Variants in ZBTB32 observed in about 807,000 individuals in gnomAD.
ZBTB32 encodes zinc finger and BTB domain containing 32.
Under a neutral mutation model 45.3 loss-of-function variants are expected in ZBTB32, and 28 were observed. That is an observed-to-expected ratio of 0.62 (90% CI 0.46 to 0.85). ZBTB32 has a LOEUF of 0.85. Among genes scored for constraint, ZBTB32 ranks in the 40% least tolerant of loss-of-function variants. The pLI is 0.00. For synonymous variants in ZBTB32, 283 were observed against 255.7 expected (o/e 1.11, Z -1.02); for missense variants, 587 against 624.4 (o/e 0.94, Z 0.64).
intron 2 of ZBTB32, 37 bp from the exon 3 acceptor site, chr19:35,714,486 G>C: frequency 1.1e-6 from 1 of 928,506 alleles, no homozygotes; most frequent in Middle Eastern, 2.4e-4. Flanking sequence ...TCTGATCTAG[G>C]ACCAGCAACT....
In ZBTB32 at chr19:35,716,170, A is replaced by G. The variant is rs747199049; in HGVS notation, c.1062A>G (p.Ala354=). The G allele has an allele frequency of 6.2e-7, 1 of 1,613,786 alleles. No homozygotes were observed. Among genetic ancestry groups the G allele is most frequent in the Non-Finnish European group, 8.5e-7 (1 of 1,179,938 alleles). Residue 354 remains alanine, a synonymous_variant, in exon 6 of 7, where the codon GCA becomes GCG. Transcript: ENST00000392197. ...CCTGTGCGGGTCATGAGGACAAGGCAGGCTGCCCACCTCGCCCGCACCCTC... is the reference window on the plus strand; with the variant it reads ...CCTGTGCGGGTCATGAGGACAAGGCGGGCTGCCCACCTCGCCCGCACCCTC... The part of the protein sequence containing the change: ...LATCAGHEDK[A]GCPPRPHPPP...
intron 1 of ZBTB32, among the ~76,000 whole-genome samples, chr19:35,708,501 C>T (rs1347515741): frequency 1.3e-5 from 2 of 152,184 alleles, no homozygotes; most frequent in African/African-American, 4.8e-5. Flanking sequence ...GAAACAGCCC[C>T]TGTGAGGAAA....
At chr19:35,706,047 G>C (rs370031323) in intron 1 of ZBTB32, among the ~76,000 whole-genome samples, 5 of 151,924 alleles carry the variant, frequency 3.3e-5, no homozygotes, top group African/African-American at 1.2e-4. Context: ...TGACCAACAT[G>C]GAGAAACCCC....
chr19:35,711,783 G>C (rs1024168662), intron 1 of ZBTB32, among the ~76,000 whole-genome samples: 1 of 151,968 alleles, frequency 6.6e-6, no homozygotes, highest in Non-Finnish European at 1.5e-5. Context: ...CCAGCACTTT[G>C]GGAGGCCGAG....
chr19:35,707,127 C>T (rs1487725695), intron 1 of ZBTB32, among the ~76,000 whole-genome samples: 1 of 144,378 alleles, frequency 6.9e-6, no homozygotes, highest in Non-Finnish European at 1.5e-5. Context: ...CCCAGGATGT[C>T]AAGACTGCAG....
intron 1 of ZBTB32, among the ~76,000 whole-genome samples, chr19:35,706,228 CAAA>C (rs11331490): frequency 3.8e-5 from 5 of 130,700 alleles, no homozygotes; most frequent in Non-Finnish European, 5.0e-5. Flanking sequence ...AACTCCATCT[CAAA>C]AAAAAAAAAA....
chr19:35,716,960 G>C lies in ZBTB32; in HGVS notation c.*208G>C. The C allele has an allele frequency of 1.7e-6, 1 of 603,274 alleles. No individual in the cohort carries two copies. The highest frequency in any genetic ancestry group is 2.9e-6 in the Non-Finnish European group (1 of 341,926). 37.4% of individuals were successfully genotyped at this position (603,274 alleles called of 1,614,324 possible). A position where few individuals can be genotyped will look rare whatever the true frequency, so the allele number is the denominator to read the frequency against. ...CCCTACAGAGTGAGGACACTGAAGTGTGCAGGAGCGAAGGTTAACAGTAGG... is the reference window on the plus strand; with the variant it reads ...CCCTACAGAGTGAGGACACTGAAGTCTGCAGGAGCGAAGGTTAACAGTAGG... On this transcript the variant is annotated 3_prime_UTR_variant, in exon 7 of 7. Transcript: ENST00000392197.
chr19:35,714,590 T>G lies in ZBTB32; in HGVS notation c.-37T>G. 1 of 1,495,244 alleles carries G rather than the reference T, an allele frequency of 6.7e-7. No individual in the cohort carries two copies. 92.6% of individuals were successfully genotyped at this position (1,495,244 alleles called of 1,614,324 possible). Reference sequence around the variant, plus strand: ...TGGACCTCACACTGTGGACTTCCTCTTAGAGCCTCTGAGTTAGGTACCCAA... The same window carrying G: ...TGGACCTCACACTGTGGACTTCCTCGTAGAGCCTCTGAGTTAGGTACCCAA... On this transcript the variant is annotated 5_prime_UTR_variant, in exon 3 of 7. Transcript: ENST00000392197.
In ZBTB32 at chr19:35,715,103, G is replaced by T. The variant is rs374453216; in HGVS notation, c.477G>T (p.Gly159=). 1 of 1,613,982 alleles carries T rather than the reference G, an allele frequency of 6.2e-7. No individual in the cohort carries two copies. Among genetic ancestry groups the T allele is most frequent in the Non-Finnish European group, 8.5e-7 (1 of 1,180,034 alleles). ...CAGAACAGGTTTCTAGAACTGGTGGGAGAGAACAGGAGATGTTGCACAAGC... is the reference window on the plus strand; with the variant it reads ...CAGAACAGGTTTCTAGAACTGGTGGTAGAGAACAGGAGATGTTGCACAAGC... ...QKPEQVSRTG[G]REQEMLHKHS... is the part of the protein sequence containing the mutation. Residue 159 remains glycine, a synonymous_variant, in exon 3 of 7, where the codon GGG becomes GGT. Transcript: ENST00000392197.
At chr19:35,707,397 T>C (rs1968573189) in intron 1 of ZBTB32, among the ~76,000 whole-genome samples, 1 of 136,044 alleles carries the variant, frequency 7.4e-6, no homozygotes, top group South Asian at 2.4e-4. Context: ...CGAGATGGAG[T>C]CTTAGCTCTG....
chr19:35,714,759 C>T lies in ZBTB32; in HGVS notation c.133C>T (p.Leu45=). 6.2e-7 allele frequency: 1 copy of T among 1,614,182 alleles called. No homozygotes were observed. Among genetic ancestry groups the T allele is most frequent in the Non-Finnish European group, 8.5e-7 (1 of 1,180,034 alleles). The change falls in exon 3 of 7, where the codon CTG becomes TTG. Residue 45 remains leucine (L), a synonymous_variant. Coordinates refer to ENST00000392197, the MANE Select transcript of ZBTB32 (RefSeq NM_014383.3). ...GAGCCAGGAGTTCCCCGCCCACAGC[C>T]TGGTGCTAGCAGGTGTCAGCCAGCA... ...VGSQEFPAHS[L]VLAGVSQQLG... is the part of the protein sequence containing the mutation.
At position 35,716,627 on chromosome 19, in the gene ZBTB32, A is replaced by G. The variant is rs762799611; in HGVS notation, c.1339A>G (p.Met447Val). ...CPSLASMQAH[M>V]RGHSPSQLPP... ...CAGCCTGGCCTCCATGCAGGCGCAC[A>G]TGCGCGGTCACTCGCCCAGCCAACT... Residue 447 changes from methionine to valine, a missense_variant, in exon 7 of 7, where the codon ATG becomes GTG. By Grantham distance (21) the Met-to-Val change is conservative. Coordinates refer to ENST00000392197, the MANE Select transcript of ZBTB32 (RefSeq NM_014383.3). 8.1e-6 allele frequency: 13 copies of G among 1,613,650 alleles called. No homozygotes were observed. The highest frequency in any genetic ancestry group is 9.3e-6 in the Non-Finnish European group (11 of 1,179,946).
In ZBTB32 at chr19:35,714,316, C is replaced by T. The variant is rs1477732414; in HGVS notation, c.-104-207C>T. 1.2e-5 allele frequency: 3 copies of T among 253,922 alleles called. No individual in the cohort carries two copies. The East Asian group carries it at 2.1e-4, about 18-fold the overall frequency. The allele number at this position is 253,922 out of a possible 1,614,324, so 15.7% of individuals were successfully genotyped here. On this transcript the variant is annotated intron_variant, in intron 2 of 6. Coordinates refer to ENST00000392197, the MANE Select transcript of ZBTB32 (RefSeq NM_014383.3). ...AGACTTCCCGCACGCCTGTCTTAAA[C>T]CCACTACTAGATATTTCTGTTAACT...
rs35096787 is a variant in ZBTB32 at position 35,709,878 on chromosome 19, C to CAA, written c.-221-3027_-221-3026dup. Among the ~76,000 whole-genome samples the CAA allele has an allele frequency of 4.6e-3, 633 of 137,840 alleles. 2 individuals carry two copies. Among genetic ancestry groups the CAA allele is most frequent in the African/African-American group, 0.014 (520 of 37,036 alleles). 90.4% of individuals were successfully genotyped at this position (137,840 alleles called of 152,430 possible). A position where few individuals can be genotyped will look rare whatever the true frequency, so the allele number is the denominator to read the frequency against. On this transcript the variant is annotated intron_variant, in intron 1 of 6. Coordinates refer to ENST00000392197, the MANE Select transcript of ZBTB32 (RefSeq NM_014383.3). The stretch of plus-strand genomic sequence containing the variant: ...TGGGCAATAGAGCAAGACTCTGTCT[C>CAA]AAAAAAAAAAAAATCAGATTTCAAA...
chr19:35,707,510 C>T (rs1395542148), intron 1 of ZBTB32, among the ~76,000 whole-genome samples: 5 of 151,696 alleles, frequency 3.3e-5, no homozygotes, highest in Non-Finnish European at 5.9e-5. Flanking sequence ...GCTGGGATTA[C>T]AGGCACGTGC....
intron 1 of ZBTB32, 99 bp downstream of exon 1, chr19:35,704,722 G>A (rs917082474): frequency 6.6e-6 from 1 of 152,342 alleles, no homozygotes; most frequent in Non-Finnish European, 1.5e-5. Flanking sequence ...TTGATGATTG[G>A]GAAGTGCGGG....
In ZBTB32 at chr19:35,715,099, G is replaced by C. The variant is rs767981847; in HGVS notation, c.473G>C (p.Gly158Ala). 5.0e-6 allele frequency: 8 copies of C among 1,613,940 alleles called. No individual in the cohort carries two copies. The Admixed American group carries it at 1.0e-4, about 20-fold the overall frequency. ...KQKPEQVSRT[G>A]GREQEMLHKH... ...AAACCAGAACAGGTTTCTAGAACTG[G>C]TGGGAGAGAACAGGAGATGTTGCAC... The change falls in exon 3 of 7, where the codon GGT (glycine) becomes GCT (alanine). Residue 158 changes from glycine (G) to alanine (A), a missense_variant. Gly to Ala is a moderately conservative substitution (Grantham distance 60, BLOSUM62 0). Coordinates refer to ENST00000392197, the MANE Select transcript of ZBTB32 (RefSeq NM_014383.3).
In ZBTB32 at chr19:35,715,955, C is replaced by A; in HGVS notation, c.972C>A (p.Gly324=). 1 of 1,613,588 alleles carries A rather than the reference C, an allele frequency of 6.2e-7. No homozygotes were observed. Among genetic ancestry groups the A allele is most frequent in the Non-Finnish European group, 8.5e-7 (1 of 1,179,894 alleles). The change falls in exon 5 of 7, where the codon GGC becomes GGA. Residue 324 remains glycine (G), a synonymous_variant. Transcript: ENST00000392197. The stretch of plus-strand genomic sequence containing the variant: ...TCCTTCCAGGTTCCCTCCCCCAGGG[C>A]CCCGCACAGCTCAGCCCTGGGGAGA... ...SSPTPGSLPQ[G]PAQLSPGEME...
intron 1 of ZBTB32, among the ~76,000 whole-genome samples, chr19:35,712,024 CAAAAAAAAA>C (rs773746029): frequency 7.7e-4 from 42 of 54,828 alleles, no homozygotes; most frequent in African/African-American, 2.7e-3. Flanking sequence ...GACTGCGTCT[CAAAAAAAAA>C]AAAAAAAAAA....
Sources: gnomAD v4.1 joint callset for allele counts (sites outside exome capture counted in the v4.1 genomes callset) on GRCh38, gnomAD v4.1.1 for gene constraint, MANE v1.5 for transcripts, NCBI Gene and HGNC (gene_info 2026-07-23, HGNC 2026-07-21) for gene names.